MAGI2: variants seen among roughly 807,000 people sequenced by gnomAD.
MAGI2 encodes the protein membrane associated guanylate kinase, WW and PDZ domain containing 2, also known as membrane-associated guanylate kinase, WW and PDZ domain-containing protein 2.
Under a neutral mutation model 133.3 loss-of-function variants are expected in MAGI2, and 35 were observed. The ratio of observed to expected loss-of-function variants is 0.26; its 90% CI spans 0.20 to 0.35. The LOEUF is 0.35. Among genes scored for constraint, MAGI2 ranks in the 10% least tolerant of loss-of-function variants. The pLI, the probability that MAGI2 is intolerant of heterozygous loss-of-function variation, is 1.00. For missense variants in MAGI2, 1,636 were observed against 1,863.4 expected (o/e 0.88, Z 2.25); for synonymous variants, 729 against 710.6 (o/e 1.03, Z -0.41).
chr7:79,295,268 A>G (rs1285353991), intron 1 of MAGI2, among the ~76,000 whole-genome samples: 1 of 152,158 alleles, frequency 6.6e-6, no homozygotes, highest in East Asian at 1.9e-4. Flanking sequence ...CTCATGCCCA[A>G]AGAAGTGTTA....
At chr7:79,022,486 T>A (rs1205749262) in intron 1 of MAGI2, among the ~76,000 whole-genome samples, 1 of 151,280 alleles carries the variant, frequency 6.6e-6, no homozygotes, top group East Asian at 1.9e-4. Flanking sequence ...TAAGAGGAAA[T>A]GAAATCCAAA....
At chr7:78,042,981 A>G (rs1811015168) in intron 21 of MAGI2, among the ~76,000 whole-genome samples, 1 of 152,248 alleles carries the variant, frequency 6.6e-6, no homozygotes, top group African/African-American at 2.4e-5. Flanking sequence ...TCAGCAGGGC[A>G]CAACATAGGA....
At chr7:78,488,759 C>G (rs1215740263) in intron 6 of MAGI2, among the ~76,000 whole-genome samples, 2 of 151,992 alleles carry the variant, frequency 1.3e-5, no homozygotes, top group Non-Finnish European at 2.9e-5. Context: ...TAATTTAACT[C>G]AGTCCCTAGC....
intron 2 of MAGI2, among the ~76,000 whole-genome samples, chr7:78,804,297 C>T (rs1454149767): frequency 6.6e-6 from 1 of 152,062 alleles, no homozygotes; most frequent in Non-Finnish European, 1.5e-5. Flanking sequence ...AATATAGAAA[C>T]ACATTAACGG....
intron 2 of MAGI2, among the ~76,000 whole-genome samples, chr7:78,712,035 A>G (rs1302809955): frequency 1.3e-5 from 2 of 152,214 alleles, no homozygotes; most frequent in Admixed American, 6.5e-5. Flanking sequence ...ACTGGACTGC[A>G]GGTCAACTCT....
chr7:78,302,693 C>A (rs1016958668), intron 9 of MAGI2, among the ~76,000 whole-genome samples: 4 of 152,274 alleles, frequency 2.6e-5, no homozygotes, highest in South Asian at 2.1e-4. Context: ...ACATGAAAGG[C>A]AAAAGGCCCT....
intron 9 of MAGI2, among the ~76,000 whole-genome samples, chr7:78,331,628 G>T (rs971707661): frequency 6.6e-6 from 1 of 152,110 alleles, no homozygotes; most frequent in Non-Finnish European, 1.5e-5. Flanking sequence ...AGTATAAAAA[G>T]ATGATGTTAA....
chr7:79,396,906 TTAG>T (rs1222421641), intron 1 of MAGI2, among the ~76,000 whole-genome samples: 13 of 152,172 alleles, frequency 8.5e-5, no homozygotes, highest in Admixed American at 6.5e-4. Flanking sequence ...ACCTTGACGG[TTAG>T]TAGCTTGAAA....
chr7:78,654,878 C>T (rs978151262), intron 2 of MAGI2, among the ~76,000 whole-genome samples: 1 of 151,370 alleles, frequency 6.6e-6, no homozygotes, highest in Non-Finnish European at 1.5e-5. Flanking sequence ...CACATAAATA[C>T]CAAGTGTGCT....
chr7:78,648,852 T>A (rs894507135), intron 2 of MAGI2, among the ~76,000 whole-genome samples: 3 of 152,198 alleles, frequency 2.0e-5, no homozygotes, highest in African/African-American at 7.2e-5. Context: ...GCTTGCCTCT[T>A]CCCATCTGCT....
intron 9 of MAGI2, among the ~76,000 whole-genome samples, chr7:78,297,169 G>A (rs1021620139): frequency 2.6e-5 from 4 of 152,140 alleles, no homozygotes; most frequent in East Asian, 1.9e-4. Context: ...AAAGAGTACC[G>A]AAGGGAAAGG....
intron 1 of MAGI2, among the ~76,000 whole-genome samples, chr7:79,284,893 T>C (rs1352483880): frequency 6.6e-6 from 1 of 152,096 alleles, no homozygotes; most frequent in Non-Finnish European, 1.5e-5. Context: ...ACTTCGGTCC[T>C]TAATCCTCCT....
intron 1 of MAGI2, among the ~76,000 whole-genome samples, chr7:79,167,981 G>A (rs973364826): frequency 6.6e-6 from 1 of 152,104 alleles, no homozygotes; most frequent in African/African-American, 2.4e-5. Context: ...TAGCATGAAC[G>A]ATCTGTGCCT....
intron 1 of MAGI2, among the ~76,000 whole-genome samples, chr7:79,366,387 A>G (rs1842713422): frequency 6.6e-6 from 1 of 152,152 alleles, no homozygotes; most frequent in Non-Finnish European, 1.5e-5. Context: ...CTGGGGTTAA[A>G]GACAAAGGGA....
At chr7:79,294,066 C>A (rs1007081311) in intron 1 of MAGI2, among the ~76,000 whole-genome samples, 1 of 151,272 alleles carries the variant, frequency 6.6e-6, no homozygotes, top group African/African-American at 2.4e-5. Flanking sequence ...GTCTGTAATC[C>A]CCTCAGGAGG....
intron 1 of MAGI2, among the ~76,000 whole-genome samples, chr7:79,195,619 A>G (rs1301998198): frequency 2.0e-5 from 3 of 151,902 alleles, no homozygotes; most frequent in Non-Finnish European, 4.4e-5. Context: ...TGCCTGCTCA[A>G]CTGCCTTTCT....
chr7:78,700,867 T>C (rs1051554663), intron 2 of MAGI2, among the ~76,000 whole-genome samples: 3 of 151,788 alleles, frequency 2.0e-5, no homozygotes, highest in African/African-American at 7.2e-5. Context: ...CAAATGGGCA[T>C]AATTTTTACT....
intron 9 of MAGI2, among the ~76,000 whole-genome samples, chr7:78,340,243 C>CT (rs1790219862): frequency 6.6e-6 from 1 of 151,776 alleles, no homozygotes; most frequent in Non-Finnish European, 1.5e-5. Context: ...AGTTATTGTA[C>CT]TTTATAATAG....
Position 78,605,853 on chromosome 7 carries a change from C to A in MAGI2, c.538+21267G>T, listed in dbSNP as rs189091670. Among the ~76,000 whole-genome samples the A allele has an allele frequency of 3.3e-5, 5 of 152,260 alleles. No homozygotes were observed. In the East Asian group the frequency reaches 7.7e-4, roughly 24 times the overall value. On this transcript the variant is annotated intron_variant, in intron 3 of 21. Coordinates refer to ENST00000354212, the MANE Select transcript of MAGI2 (RefSeq NM_012301.4). The stretch of plus-strand genomic sequence containing the variant: ...TGGCATACAAAGGATTTTATGGAGA[C>A]TGTGACGGGAGGTACTCGAGCAGAA...
Sources: gnomAD v4.1 joint callset for allele counts (sites outside exome capture counted in the v4.1 genomes callset) on GRCh38, gnomAD v4.1.1 for gene constraint, MANE v1.5 for transcripts, NCBI Gene and HGNC (gene_info 2026-07-23, HGNC 2026-07-21) for gene names.